MSI2: variants seen among roughly 807,000 people sequenced by gnomAD.
The protein encoded by MSI2 is musashi RNA binding protein 2, also known as RNA-binding protein Musashi homolog 2.
Under a neutral mutation model 45.6 loss-of-function variants are expected in MSI2, and 17 were observed. The ratio of observed to expected loss-of-function variants is 0.37; its 90% CI spans 0.26 to 0.56. The LOEUF is 0.56. Among genes scored for constraint, MSI2 ranks in the 20% least tolerant of loss-of-function variants. The probability of loss-of-function intolerance (pLI) is 0.77; values close to 1 mark genes in which losing one functional copy is unlikely to be tolerated. For synonymous variants in MSI2, 156 were observed against 158.2 expected (o/e 0.99, Z 0.11); for missense variants, 293 against 444.2 (o/e 0.66, Z 3.06).
chr17:57,484,912 G>A (rs1352789931), intron 6 of MSI2, among the ~76,000 whole-genome samples: 1 of 152,154 alleles, frequency 6.6e-6, no homozygotes, highest in Non-Finnish European at 1.5e-5. Flanking sequence ...CTCTCTCGGG[G>A]AAACATGGTC....
intron 6 of MSI2, chr17:57,522,243 GT>G (rs1370001857): frequency 2.0e-5 from 3 of 152,190 alleles, no homozygotes; most frequent in Non-Finnish European, 4.4e-5. Flanking sequence ...TAGTATCATG[GT>G]ATTGCATTTG....
chr17:57,314,660 C>T (rs1242842356), intron 5 of MSI2, among the ~76,000 whole-genome samples: 1 of 150,552 alleles, frequency 6.6e-6, no homozygotes, highest in African/African-American at 2.4e-5. Flanking sequence ...CAACCTCCCA[C>T]TCCCTGGTTC....
At chr17:57,538,709 C>T (rs2086975725) in intron 7 of MSI2, among the ~76,000 whole-genome samples, 1 of 152,088 alleles carries the variant, frequency 6.6e-6, no homozygotes, top group African/African-American at 2.4e-5. Context: ...AAAATAAAAC[C>T]CTTTCGTGGT....
chr17:57,478,364 C>T (rs1464681871), intron 6 of MSI2, among the ~76,000 whole-genome samples: 1 of 152,208 alleles, frequency 6.6e-6, no homozygotes, highest in Admixed American at 6.5e-5. Flanking sequence ...TTTTCCAGCA[C>T]AAAAGCACTA....
At chr17:57,262,378 T>C in intron 5 of MSI2, 186 bp downstream of exon 5, 1 of 533,664 alleles carries the variant, frequency 1.9e-6, no homozygotes, top group Admixed American at 3.6e-5. Context: ...CATCCCAAGG[T>C]GGCTTCTGAA....
chr17:57,257,561 T>G lies in MSI2; in HGVS notation c.185+14T>G. The G allele has an allele frequency of 6.5e-7, 1 of 1,542,684 alleles. No individual in the cohort carries two copies. The highest frequency in any genetic ancestry group is 1.1e-5 in the South Asian group (1 of 88,788). On this transcript the variant is annotated intron_variant, in intron 3 of 13. Coordinates refer to ENST00000284073, the MANE Select transcript of MSI2 (RefSeq NM_138962.4). The stretch of plus-strand genomic sequence containing the variant: ...GAAACGCTCCAGGTAAACCATTCCC[T>G]TCTGGATTTTGTCTTTATTTTAGAA...
rs888541490 is a variant in MSI2 at position 57,682,324 on chromosome 17, C to CG, written c.*2807_*2808insG. 17 of 166,072 alleles carry CG rather than the reference C, an allele frequency of 1.0e-4. No individual in the cohort carries two copies. The East Asian group carries it at 1.3e-3, about 13-fold the overall frequency. The allele number at this position is 166,072 out of a possible 1,614,324, so 10.3% of individuals were successfully genotyped here. A position where few individuals can be genotyped will look rare whatever the true frequency, so the allele number is the denominator to read the frequency against. On this transcript the variant is annotated 3_prime_UTR_variant, in exon 14 of 14. Coordinates refer to ENST00000284073, the MANE Select transcript of MSI2 (RefSeq NM_138962.4). ...TCTACGGCGTTTTGTAGATCCCCCC[C>CG]CCCCCACCCACTGTGAAGGGGTGCC...
At position 57,684,197 on chromosome 17, in the gene MSI2, C is replaced by T. The variant is rs1913791684; in HGVS notation, c.*4680C>T. On this transcript the variant is annotated 3_prime_UTR_variant, in exon 14 of 14. Coordinates refer to ENST00000284073, the MANE Select transcript of MSI2 (RefSeq NM_138962.4). Reference sequence around the variant, plus strand: ...GTATTCTGTACATAATGTACCATCCCATGTGGAATCTGTGAGTGTCCTCTT... The same window carrying T: ...GTATTCTGTACATAATGTACCATCCTATGTGGAATCTGTGAGTGTCCTCTT... 4.7e-6 allele frequency: 1 copy of T among 212,774 alleles called. No homozygotes were observed. Among genetic ancestry groups the T allele is most frequent in the Admixed American group, 5.9e-5 (1 of 17,034 alleles). The allele number at this position is 212,774 out of a possible 1,614,324, so 13.2% of individuals were successfully genotyped here.
intron 5 of MSI2, chr17:57,279,706 ACAAT>A (rs1476923101): frequency 6.6e-6 from 1 of 152,128 alleles, no homozygotes; most frequent in African/African-American, 2.4e-5. Flanking sequence ...GTGCAGTGGC[ACAAT>A]CAAAGCTCAC....
the MSI2 span, among the ~76,000 whole-genome samples, chr17:57,693,183 C>G: frequency 7.3e-5 from 11 of 151,462 alleles, no homozygotes; most frequent in Admixed American, 6.6e-4. Context: ...GTCCTATTTT[C>G]TTTTTTCTTT....
chr17:57,270,780 T>C (rs751075896), intron 5 of MSI2, among the ~76,000 whole-genome samples: 21 of 152,124 alleles, frequency 1.4e-4, no homozygotes, highest in Non-Finnish European at 2.8e-4. Flanking sequence ...CCCCGAAAAA[T>C]GTCCCTGCCC....
At chr17:57,369,092 G>A (rs1351678084) in intron 5 of MSI2, among the ~76,000 whole-genome samples, 1 of 152,184 alleles carries the variant, frequency 6.6e-6, no homozygotes, top group Non-Finnish European at 1.5e-5. Flanking sequence ...TAGTTCCCAG[G>A]TGTGCTTTGC....
chr17:57,640,535 C>T (rs1299577569), intron 10 of MSI2, among the ~76,000 whole-genome samples: 4 of 152,310 alleles, frequency 2.6e-5, no homozygotes, highest in Admixed American at 6.5e-5. Context: ...CCGTGCTGAG[C>T]GCCCAACGCC....
intron 7 of MSI2, among the ~76,000 whole-genome samples, chr17:57,556,637 G>A (rs1416451759): frequency 2.0e-5 from 3 of 152,186 alleles, no homozygotes; most frequent in Non-Finnish European, 2.9e-5. Context: ...TGATTGGCTG[G>A]TTGGGTCTTT....
intron 6 of MSI2, among the ~76,000 whole-genome samples, chr17:57,506,677 A>G (rs1474053022): frequency 6.6e-6 from 1 of 152,208 alleles, no homozygotes; most frequent in Non-Finnish European, 1.5e-5. Flanking sequence ...CTCGTCTTCC[A>G]GAACCGTTCA....
intron 7 of MSI2, among the ~76,000 whole-genome samples, chr17:57,556,916 G>T (rs777365430): frequency 6.6e-6 from 1 of 152,182 alleles, no homozygotes; most frequent in Non-Finnish European, 1.5e-5. Flanking sequence ...GCCTTATTTG[G>T]TGTTTAGTAA....
At chr17:57,381,388 C>T (rs1436710815) in intron 5 of MSI2, among the ~76,000 whole-genome samples, 2 of 152,156 alleles carry the variant, frequency 1.3e-5, no homozygotes, top group African/African-American at 4.8e-5. Context: ...TTTTAAATGG[C>T]TCATCTCAAA....
intron 6 of MSI2, among the ~76,000 whole-genome samples, chr17:57,433,018 A>G (rs961511545): frequency 6.6e-6 from 1 of 152,164 alleles, no homozygotes; most frequent in African/African-American, 2.4e-5. Context: ...ACTTCCTGCC[A>G]CAGTGAATCT....
intron 5 of MSI2, among the ~76,000 whole-genome samples, chr17:57,339,819 G>C (rs1245046497): frequency 6.6e-6 from 1 of 152,154 alleles, no homozygotes; most frequent in East Asian, 1.9e-4. Context: ...AACTTTTCCA[G>C]CTTCCCATGG....
Sources: allele counts gnomAD v4.1 joint callset (sites outside exome capture counted in the v4.1 genomes callset), GRCh38; gene constraint gnomAD v4.1.1; transcripts MANE v1.5; gene names NCBI Gene and HGNC (gene_info 2026-07-23, HGNC 2026-07-21).